Variants in DYNC2H1 observed in about 807,000 individuals in gnomAD.
DYNC2H1 encodes dynein cytoplasmic 2 heavy chain 1, also known as cytoplasmic dynein 2 heavy chain 1.
DYNC2H1 carries 410 observed loss-of-function variants against 570.0 expected under a neutral mutation model. That is an observed-to-expected ratio of 0.72 (90% CI 0.66 to 0.78). The LOEUF is 0.78. DYNC2H1 is among the 30% of genes least tolerant of loss of function. DYNC2H1 has a pLI of 0.00. For synonymous variants in DYNC2H1, 1,688 were observed against 1,677.6 expected (o/e 1.01, Z -0.15); for missense variants, 4,865 against 5,046.4 (o/e 0.96, Z 1.09).
rs1249528182 is a variant in DYNC2H1, at chr11:103,152,240, A to G, written c.3051A>G (p.Lys1017=). ...TISNLKAKWD[K]FELMMESHQL... is the part of the protein sequence containing the mutation. ...GTAATTTGAAAGCCAAGTGGGATAAATTTGAGTTAATGATGGAAAGTCACC... is the reference window on the plus strand; with the variant it reads ...GTAATTTGAAAGCCAAGTGGGATAAGTTTGAGTTAATGATGGAAAGTCACC... The change falls in exon 21 of 89, where the codon AAA becomes AAG. Residue 1017 remains lysine (K), a synonymous_variant. Transcript: ENST00000375735. The G allele has an allele frequency of 6.2e-7, 1 of 1,608,606 alleles. No individual in the cohort carries two copies. The highest frequency in any genetic ancestry group is 1.7e-5 in the Admixed American group (1 of 59,456).
At position 103,158,930 on chromosome 11, in the gene DYNC2H1, A is replaced by T. The variant is rs747022675; in HGVS notation, c.4281A>T (p.Pro1427=). The T allele has an allele frequency of 9.3e-6, 15 of 1,609,838 alleles. No individual in the cohort carries two copies. The highest frequency in any genetic ancestry group is 1.3e-5 in the African/African-American group (1 of 74,810). ...ATTAGGAAAAACGCTCAGCATTCCC[A>T]AGATTTTATTTTATTGGTGATGATG... The part of the protein sequence containing the change: ...EFLEEKRSAF[P]RFYFIGDDDL... The change falls in exon 28 of 89, where the codon CCA becomes CCT. Residue 1427 remains proline (P), a synonymous_variant. Coordinates refer to ENST00000375735, the MANE Select transcript of DYNC2H1 (RefSeq NM_001377.3).
chr11:103,189,644 C>G lies in DYNC2H1; in HGVS notation c.7293-28C>G. ...AATTTGGAATACTGATTTATTTCAGCTTTCTTCTTATATGCCATTTTTTTT... is the reference window on the plus strand; with the variant it reads ...AATTTGGAATACTGATTTATTTCAGGTTTCTTCTTATATGCCATTTTTTTT... On this transcript the variant is annotated intron_variant, in intron 44 of 88. Transcript: ENST00000375735. This position sits in a 1 kb window ranked among gnomAD's most constrained non-coding sequence, Gnocchi z 4.3. 6.2e-7 allele frequency: 1 copy of G among 1,604,452 alleles called. No individual in the cohort carries two copies. The highest frequency in any genetic ancestry group is 1.3e-5 in the African/African-American group (1 of 74,622).
intron 77 of DYNC2H1, among the ~76,000 whole-genome samples, chr11:103,306,802 A>G (rs1458594618): frequency 6.6e-6 from 1 of 152,160 alleles, no homozygotes; most frequent in Non-Finnish European, 1.5e-5. Context: ...TTATTCATTT[A>G]TTAAATTTAC....
chr11:103,421,985 C>A (rs1249898922), intron 84 of DYNC2H1, among the ~76,000 whole-genome samples: 3 of 151,694 alleles, frequency 2.0e-5, no homozygotes, highest in African/African-American at 7.3e-5. Flanking sequence ...CTAATAAACA[C>A]AATCAGAAAT....
At position 103,135,491 on chromosome 11, in the gene DYNC2H1, T is replaced by C. The variant is rs376966908; in HGVS notation, c.2206-4T>C. The C allele has an allele frequency of 6.5e-7, 1 of 1,542,234 alleles. No homozygotes were observed. Among genetic ancestry groups the C allele is most frequent in the Non-Finnish European group, 8.7e-7 (1 of 1,147,118 alleles). On this transcript the variant is annotated splice_region_variant and splice_polypyrimidine_tract_variant and intron_variant, in intron 15 of 88. Coordinates refer to ENST00000375735, the MANE Select transcript of DYNC2H1 (RefSeq NM_001377.3). Reference sequence around the variant, plus strand: ...AAATTAAAAATGTGAATGTAACATATTAGGGATTCCAAGCAAGTGACATGC... The same window carrying C: ...AAATTAAAAATGTGAATGTAACATACTAGGGATTCCAAGCAAGTGACATGC...
At chr11:103,255,875 T>A (rs1379030158) in intron 67 of DYNC2H1, among the ~76,000 whole-genome samples, 2 of 152,050 alleles carry the variant, frequency 1.3e-5, no homozygotes, top group Non-Finnish European at 2.9e-5. Flanking sequence ...ATTAATACCT[T>A]GCTATGTTTG....
At chr11:103,141,518 G>A (rs2514004) in intron 17 of DYNC2H1, among the ~76,000 whole-genome samples, 103,548 of 152,062 alleles carry the variant, frequency 0.68, 36,101 homozygotes, top group East Asian at 0.77. Flanking sequence ...CAGAACAGCA[G>A]ATTTTCGTGA....
chr11:103,306,731 T>A (rs1252270678), intron 77 of DYNC2H1, among the ~76,000 whole-genome samples: 1 of 152,174 alleles, frequency 6.6e-6, no homozygotes, highest in Non-Finnish European at 1.5e-5. Context: ...ATCAATTATA[T>A]TAAAATAATT....
At chr11:103,398,993 C>G (rs1020638841) in intron 83 of DYNC2H1, among the ~76,000 whole-genome samples, 1 of 152,114 alleles carries the variant, frequency 6.6e-6, no homozygotes, top group African/African-American at 2.4e-5. Context: ...CTTCTGCTCT[C>G]TTTGTAGTGG....
chr11:103,118,843 C>T (rs868810736), intron 6 of DYNC2H1, among the ~76,000 whole-genome samples: 2 of 152,130 alleles, frequency 1.3e-5, no homozygotes, highest in South Asian at 4.1e-4. Flanking sequence ...TAGGTTTTCC[C>T]ATTTTTAGTG....
intron 80 of DYNC2H1, among the ~76,000 whole-genome samples, chr11:103,317,018 A>C (rs1937885526): frequency 6.6e-6 from 1 of 152,136 alleles, no homozygotes; most frequent in South Asian, 2.1e-4. Context: ...CAAATAATAG[A>C]TTGAAACACA....
intron 83 of DYNC2H1, among the ~76,000 whole-genome samples, chr11:103,379,704 T>C (rs1428415007): frequency 1.3e-5 from 2 of 152,216 alleles, no homozygotes; most frequent in Admixed American, 6.5e-5. Context: ...GCAGATCTTA[T>C]TGTTGCATGA....
intron 63 of DYNC2H1, among the ~76,000 whole-genome samples, chr11:103,238,518 G>A (rs796464795): frequency 1.3e-5 from 2 of 151,214 alleles, no homozygotes; most frequent in African/African-American, 4.9e-5. Flanking sequence ...GTAGTGAGCC[G>A]AGATCACACC....
chr11:103,204,923 G>A lies in DYNC2H1; in HGVS notation c.8413G>A (p.Val2805Met), dbSNP rs920188933. The A allele has an allele frequency of 1.3e-6, 2 of 1,593,462 alleles. No homozygotes were observed. Among genetic ancestry groups the A allele is most frequent in the Admixed American group, 1.7e-5 (1 of 57,484 alleles). Residue 2805 changes from valine (V) to methionine (M), a missense_variant, in exon 52 of 89, where the codon GTG (valine) becomes ATG (methionine). Coordinates refer to ENST00000375735, the MANE Select transcript of DYNC2H1 (RefSeq NM_001377.3). The surrounding 1 kb of genome is among the most constrained non-coding windows in gnomAD (Gnocchi z 4.1). ...SNPALHKKCQ[V>M]LWMEGWSNSS... ...TCCAGCTTTGCATAAGAAATGCCAGGTGTTGTGGATGGAGGGTTGGTCCAA... is the reference window on the plus strand; with the variant it reads ...TCCAGCTTTGCATAAGAAATGCCAGATGTTGTGGATGGAGGGTTGGTCCAA...
chr11:103,426,056 G>A (rs1943659054), intron 84 of DYNC2H1, among the ~76,000 whole-genome samples: 1 of 152,060 alleles, frequency 6.6e-6, no homozygotes, highest in South Asian at 2.1e-4. Context: ...GCCCACCCAG[G>A]ACAGAAAATG....
At position 103,187,405 on chromosome 11, in the gene DYNC2H1, C is replaced by CA; in HGVS notation, c.6960dup (p.Gln2321ThrfsTer21). On this transcript the variant is annotated frameshift_variant, in exon 43 of 89. Transcript: ENST00000375735. LOFTEE classifies it high-confidence loss of function. ...CAAATTGCTACAGTTCACTGTAGTG[C>CA]ACAAACCACTTCTCGACATCTCCTG... The CA allele has an allele frequency of 1.2e-6, 2 of 1,613,206 alleles. No homozygotes were observed. Among genetic ancestry groups the CA allele is most frequent in the South Asian group, 2.2e-5 (2 of 91,074 alleles).
Position 103,455,265 on chromosome 11 carries a change from T to G in DYNC2H1, c.12536T>G (p.Phe4179Cys), listed in dbSNP as rs1051750109. The change falls in exon 86 of 89, where the codon TTT becomes TGT. Residue 4179 changes from phenylalanine to cysteine, a missense_variant. By Grantham distance (205) the Phe-to-Cys change is radical. Coordinates refer to ENST00000375735, the MANE Select transcript of DYNC2H1 (RefSeq NM_001377.3). The stretch of plus-strand genomic sequence containing the variant: ...TCAGAACTTTTCCATCCAGACACAT[T>G]TCTTAATGCTCTTCGCCAGGAAACT... ...DLSELFHPDT[F>C]LNALRQETAR... The G allele has an allele frequency of 5.6e-6, 9 of 1,613,352 alleles. No individual in the cohort carries two copies. In the African/African-American group the frequency reaches 1.2e-4, roughly 22 times the overall value.
intron 17 of DYNC2H1, among the ~76,000 whole-genome samples, chr11:103,141,419 C>T (rs532186388): frequency 2.4e-4 from 37 of 152,250 alleles, no homozygotes; most frequent in South Asian, 1.0e-3. Context: ...TTTCCTTCTA[C>T]CAGACAGGAC....
At chr11:103,419,971 C>T (rs886268828) in intron 84 of DYNC2H1, among the ~76,000 whole-genome samples, 4 of 152,002 alleles carry the variant, frequency 2.6e-5, no homozygotes, top group Admixed American at 6.6e-5. Context: ...AAACACAACA[C>T]GAGAACTTCA....
Sources: gnomAD v4.1 joint callset for allele counts (sites outside exome capture counted in the v4.1 genomes callset) on GRCh38, gnomAD v4.1.1 for gene constraint, Gnocchi (gnomAD v3.1) non-coding constraint, MANE v1.5 for transcripts, NCBI Gene and HGNC (gene_info 2026-07-23, HGNC 2026-07-21) for gene names.